ESRRG: variants seen among roughly 807,000 people sequenced by gnomAD.
The protein encoded by ESRRG is estrogen-related receptor gamma.
A neutral mutation model predicts 44.0 loss-of-function variants in ESRRG; 13 were observed. The ratio of observed to expected loss-of-function variants is 0.30; its 90% confidence interval spans 0.19 to 0.47. The LOEUF is 0.47. Among genes scored for constraint, ESRRG ranks in the 20% least tolerant of loss-of-function variants. The pLI, the probability that ESRRG is intolerant of heterozygous loss-of-function variation, is 1.00. For synonymous variants in ESRRG, 215 were observed against 214.6 expected (o/e 1.00, Z -0.02); for missense variants, 395 against 580.6 (o/e 0.68, Z 3.29).
At chr1:216,820,354 T>C (rs187986574) in intron 2 of ESRRG, among the ~76,000 whole-genome samples, 32 of 152,272 alleles carry the variant, frequency 2.1e-4, no homozygotes, top group Middle Eastern at 3.4e-3. Context: ...TATGGAGTGA[T>C]GAATGGCAAG....
intron 2 of ESRRG, among the ~76,000 whole-genome samples, chr1:216,658,489 G>A (rs1167890782): frequency 2.0e-5 from 3 of 151,904 alleles, no homozygotes; most frequent in Non-Finnish European, 2.9e-5. Context: ...ATACAGTTGA[G>A]AAAAATGTCT....
rs1021343523 is a variant in ESRRG at position 216,929,262 on chromosome 1, G to C, written c.-14+10320C>G. 2.0e-5 allele frequency among the ~76,000 whole-genome samples: 3 copies of C among 151,830 alleles called. No homozygotes were observed. In the South Asian group the frequency reaches 6.2e-4, roughly 32 times the overall value. On this transcript the variant is annotated intron_variant, in intron 2 of 7. Coordinates refer to the ESRRG transcript ENST00000359162. ...GGTCACTCAAATTTCTTCCTTCCTT[G>C]CTTCCTTCCTTCCTTCCTTCCTTCC...
rs989780262 is a variant in ESRRG at position 216,883,911 on chromosome 1, C to T, written c.-14+55671G>A. 3.3e-5 allele frequency among the ~76,000 whole-genome samples: 5 copies of T among 152,146 alleles called. No homozygotes were observed. In the South Asian group the frequency reaches 6.2e-4, roughly 19 times the overall value. ...TGAATTGGCCATGTGATCCTGATGG[C>T]GTCCTGCTAATGGGCTGTTCACTTA... is the stretch of plus-strand genomic sequence containing the variant. On this transcript the variant is annotated intron_variant, in intron 2 of 7. Coordinates refer to the ESRRG transcript ENST00000359162.
chr1:216,762,851 C>A (rs539725664), intron 2 of ESRRG, among the ~76,000 whole-genome samples: 2 of 152,026 alleles, frequency 1.3e-5, no homozygotes, highest in African/African-American at 4.8e-5. Context: ...AAAGGGAATA[C>A]CAATATAAGT....
At chr1:216,539,366 G>A (rs935765047) in intron 5 of ESRRG, among the ~76,000 whole-genome samples, 8 of 151,656 alleles carry the variant, frequency 5.3e-5, no homozygotes, top group African/African-American at 1.2e-4. Flanking sequence ...TACAATTTTC[G>A]TTTGGTTGCT....
At chr1:216,698,192 T>C (rs1292687340) in intron 1 of ESRRG, among the ~76,000 whole-genome samples, 2 of 152,136 alleles carry the variant, frequency 1.3e-5, no homozygotes, top group African/African-American at 2.4e-5. Context: ...TTGGCCAATG[T>C]TACATATTAG....
chr1:216,754,702 C>CATTTTTTTTTT (rs1559515425), intron 2 of ESRRG, among the ~76,000 whole-genome samples: 1 of 121,316 alleles, frequency 8.2e-6, no homozygotes, highest in Non-Finnish European at 1.8e-5. Context: ...AGAGAAAGAA[C>CATTTTTTTTTT]TTTTTTTTTT....
At chr1:217,009,249 T>C (rs780729516) in intron 1 of ESRRG, among the ~76,000 whole-genome samples, 2 of 152,122 alleles carry the variant, frequency 1.3e-5, no homozygotes, top group Non-Finnish European at 2.9e-5. Context: ...ATCTATATAT[T>C]GGTCGACTTA....
At chr1:216,886,717 C>A (rs1165130256) in intron 2 of ESRRG, among the ~76,000 whole-genome samples, 3 of 152,038 alleles carry the variant, frequency 2.0e-5, no homozygotes, top group Non-Finnish European at 2.9e-5. Context: ...ACACTGCTTT[C>A]TTTCTTTCTA....
intron 2 of ESRRG, among the ~76,000 whole-genome samples, chr1:216,925,504 G>A (rs544691848): frequency 6.6e-6 from 1 of 152,282 alleles, no homozygotes; most frequent in African/African-American, 2.4e-5. Flanking sequence ...GTTCCCGGAA[G>A]GAGTATTTCA....
chr1:216,525,483 G>T (rs1498287), intron 5 of ESRRG, among the ~76,000 whole-genome samples: 7 of 152,182 alleles, frequency 4.6e-5, no homozygotes, highest in African/African-American at 1.4e-4. Context: ...GAAAAAATGT[G>T]GGGGGGCATG....
At chr1:217,112,411 G>A (rs915074109) in intron 1 of ESRRG, among the ~76,000 whole-genome samples, 1 of 152,092 alleles carries the variant, frequency 6.6e-6, no homozygotes, top group African/African-American at 2.4e-5. Flanking sequence ...AAAGAGAGAG[G>A]GAACTATATT....
intron 3 of ESRRG, among the ~76,000 whole-genome samples, chr1:216,641,424 T>A (rs2066400755): frequency 6.6e-6 from 1 of 152,234 alleles, no homozygotes; most frequent in South Asian, 2.1e-4. Context: ...ACATTAGAAC[T>A]TCAATTTTCC....
At chr1:216,655,986 T>A (rs2070425099) in intron 2 of ESRRG, among the ~76,000 whole-genome samples, 1 of 152,178 alleles carries the variant, frequency 6.6e-6, no homozygotes, top group Non-Finnish European at 1.5e-5. Context: ...CAATGTTACG[T>A]CTATTTTGGT....
intron 1 of ESRRG, among the ~76,000 whole-genome samples, chr1:217,016,658 C>T (rs1261567975): frequency 6.6e-6 from 1 of 152,094 alleles, no homozygotes; most frequent in East Asian, 1.9e-4. Context: ...AAATGATTTA[C>T]CTACAAATTC....
intron 2 of ESRRG, among the ~76,000 whole-genome samples, chr1:216,743,619 T>G (rs954144197): frequency 2.0e-5 from 3 of 152,168 alleles, no homozygotes; most frequent in African/African-American, 7.2e-5. Context: ...TGTTAGCCAC[T>G]AAGTGCTCTC....
chr1:216,636,009 G>C (rs1360976616), intron 3 of ESRRG, among the ~76,000 whole-genome samples: 3 of 152,304 alleles, frequency 2.0e-5, no homozygotes, highest in Non-Finnish European at 4.4e-5. Context: ...ACTGTGCTAA[G>C]CATTTTAAAT....
In ESRRG at chr1:216,599,865, T is replaced by C. The variant is rs566781850; in HGVS notation, c.590-31767A>G. Among the ~76,000 whole-genome samples the C allele has an allele frequency of 1.8e-3, 279 of 151,800 alleles. 1 individual carries two copies. Among genetic ancestry groups the C allele is most frequent in the Non-Finnish European group, 3.3e-3 (225 of 67,932 alleles). On this transcript the variant is annotated intron_variant, in intron 3 of 6. Coordinates refer to ENST00000408911, the MANE Select transcript of ESRRG (RefSeq NM_001438.4). ...AGAGAAGAAAAAGGTACCCTATGCA[T>C]TTTTAACACGGAAATCCCTTGGGAC... is the stretch of plus-strand genomic sequence containing the variant.
At chr1:216,713,260 T>C (rs952143435) in intron 1 of ESRRG, among the ~76,000 whole-genome samples, 7 of 152,138 alleles carry the variant, frequency 4.6e-5, no homozygotes, top group African/African-American at 1.4e-4. Flanking sequence ...CCAATATCTC[T>C]TTTTTCAAAG....
Sources: allele counts gnomAD v4.1 joint callset (sites outside exome capture counted in the v4.1 genomes callset), GRCh38; gene constraint gnomAD v4.1.1; transcripts MANE v1.5; gene names NCBI Gene and HGNC (gene_info 2026-07-23, HGNC 2026-07-21).